The following ZNG1A variants were observed in gnomAD, a reference collection of about 807,000 sequenced individuals.
ZNG1A encodes zinc-regulated GTPase metalloprotein activator 1A.
chr9:137,462 T>G, the ZNG1A span, among the ~76,000 whole-genome samples: 1 of 151,452 alleles, frequency 6.6e-6, no homozygotes, highest in Non-Finnish European at 1.5e-5. Context: ...TCTGTAACTA[T>G]CAAAACTGCC....
the ZNG1A span, among the ~76,000 whole-genome samples, chr9:140,421 C>A: frequency 9.3e-4 from 141 of 151,028 alleles, no homozygotes; most frequent in East Asian, 6.6e-3. Flanking sequence ...CTCACACGGC[C>A]GGGTACTCCA....
the ZNG1A span, chr9:149,560 G>T: frequency 6.7e-6 from 1 of 150,140 alleles, no homozygotes; most frequent in Non-Finnish European, 1.5e-5. Context: ...TATTATTATA[G>T]AACTCTGTGC....
the ZNG1A span, among the ~76,000 whole-genome samples, chr9:157,213 CA>C: frequency 7.0e-6 from 1 of 142,964 alleles, no homozygotes; most frequent in South Asian, 2.3e-4. Context: ...AGGCTAACTC[CA>C]AAAAATATTT....
chr9:137,338 G>A, the ZNG1A span, among the ~76,000 whole-genome samples: 1 of 147,580 alleles, frequency 6.8e-6, no homozygotes, highest in East Asian at 2.0e-4. Context: ...TCTAGCCTGG[G>A]CAATAGACCC....
At chr9:169,639 C>T in the ZNG1A span, among the ~76,000 whole-genome samples, 811 of 148,258 alleles carry the variant, frequency 5.5e-3, 18 homozygotes, top group African/African-American at 0.015. Context: ...TATGAAATTG[C>T]GATAGCCACC....
chr9:132,316 A>G, the ZNG1A span, among the ~76,000 whole-genome samples: 15 of 147,748 alleles, frequency 1.0e-4, no homozygotes, highest in Non-Finnish European at 5.9e-5. Context: ...GGAGTTTGAG[A>G]CCAGCTTGGC....
the ZNG1A span, chr9:149,243 T>G: frequency 1.3e-5 from 2 of 151,714 alleles, no homozygotes; most frequent in African/African-American, 4.9e-5. Flanking sequence ...ACTAACTCCT[T>G]GCTCCCTACA....
the ZNG1A span, among the ~76,000 whole-genome samples, chr9:155,507 T>G: frequency 1.3e-5 from 2 of 152,114 alleles, no homozygotes; most frequent in Admixed American, 1.3e-4. Context: ...CTGTATATTA[T>G]CTCTGTAAAG....
At chr9:157,573 T>C in the ZNG1A span, among the ~76,000 whole-genome samples, 1 of 147,102 alleles carries the variant, frequency 6.8e-6, no homozygotes. Flanking sequence ...GATGGCTATT[T>C]TCATTTATAA....
At chr9:163,567 TAA>T in the ZNG1A span, among the ~76,000 whole-genome samples, 5 of 152,036 alleles carry the variant, frequency 3.3e-5, no homozygotes, top group Non-Finnish European at 7.4e-5. Flanking sequence ...TGCAAGGAAT[TAA>T]AGTTATAATA....
chr9:175,281 G>C, the ZNG1A span, among the ~76,000 whole-genome samples: 21 of 151,850 alleles, frequency 1.4e-4, no homozygotes, highest in East Asian at 4.1e-3. Context: ...AGGAGGCTGA[G>C]GCAGGAGAAT....
At chr9:161,877 G>C in the ZNG1A span, among the ~76,000 whole-genome samples, 2 of 151,672 alleles carry the variant, frequency 1.3e-5, no homozygotes, top group South Asian at 4.2e-4. Context: ...CTAATCCTAT[G>C]TGTATATCCT....
chr9:152,511 T>G, the ZNG1A span, among the ~76,000 whole-genome samples: 2 of 151,884 alleles, frequency 1.3e-5, no homozygotes, highest in Non-Finnish European at 2.9e-5. Context: ...AATAAAAACC[T>G]AGTTGCAAGT....
chr9:159,342 G>A, the ZNG1A span, among the ~76,000 whole-genome samples: 1 of 146,742 alleles, frequency 6.8e-6, no homozygotes, highest in African/African-American at 2.5e-5. Flanking sequence ...TATACAAGAT[G>A]CATAAGTCAT....
chr9:160,278 G>A, the ZNG1A span: 3 of 428,286 alleles, frequency 7.0e-6, no homozygotes, highest in Non-Finnish European at 9.4e-6. Context: ...ACTTGTGATG[G>A]GCTGGCTCTG....
chr9:171,179 T>G, the ZNG1A span, among the ~76,000 whole-genome samples: 2 of 152,110 alleles, frequency 1.3e-5, no homozygotes, highest in African/African-American at 2.4e-5. Flanking sequence ...GGGGATGATG[T>G]TATTATGTAA....
chr9:168,272 G>C, the ZNG1A span, among the ~76,000 whole-genome samples: 1 of 148,116 alleles, frequency 6.8e-6, no homozygotes, highest in Non-Finnish European at 1.5e-5. Flanking sequence ...TATTTATTTT[G>C]AGATGGAGTC....
chr9:163,091 A>G, the ZNG1A span, among the ~76,000 whole-genome samples: 1 of 151,246 alleles, frequency 6.6e-6, no homozygotes, highest in Non-Finnish European at 1.5e-5. Context: ...CACATATATT[A>G]GAGCTCAATG....
chr9:129,789 T>C, the ZNG1A span, among the ~76,000 whole-genome samples: 1 of 96,246 alleles, frequency 1.0e-5, no homozygotes. Context: ...CCTTAAAAAT[T>C]TGTGGAAGAA....
Sources: gnomAD v4.1 joint callset for allele counts (sites outside exome capture counted in the v4.1 genomes callset) on GRCh38, gnomAD v4.1.1 for gene constraint, MANE v1.5 for transcripts, NCBI Gene and HGNC (gene_info 2026-07-23, HGNC 2026-07-21) for gene names.